FGGY: variants seen among roughly 807,000 people sequenced by gnomAD.
The protein encoded by FGGY is FGGY carbohydrate kinase domain containing.
Under a neutral mutation model 71.3 loss-of-function variants are expected in FGGY, and 72 were observed. The observed-to-expected ratio is 1.01, with a 90% CI of 0.84 to 1.23. FGGY has a LOEUF of 1.23. Ranked by LOEUF, FGGY falls within the 50% of genes most tolerant of loss-of-function variation. The pLI, the probability that FGGY is intolerant of heterozygous loss-of-function variation, is 0.00. For missense variants in FGGY, 668 were observed against 682.3 expected, an observed-to-expected ratio of 0.98 and a Z score of 0.23; for synonymous variants, 251 against 250.3, an observed-to-expected ratio of 1.00 and a Z score of -0.02.
intron 14 of FGGY, among the ~76,000 whole-genome samples, chr1:59,695,602 C>T (rs573981020): frequency 1.3e-5 from 2 of 152,298 alleles, no homozygotes; most frequent in East Asian, 3.9e-4. Flanking sequence ...GCAGTATCCT[C>T]AGTTTACAAA....
At chr1:59,462,080 G>C (rs1402658979) in intron 6 of FGGY, among the ~76,000 whole-genome samples, 1 of 148,472 alleles carries the variant, frequency 6.7e-6, no homozygotes, top group East Asian at 2.1e-4. Context: ...TGCAGTGTTT[G>C]GTTTTTTGTC....
At chr1:59,546,531 TGATG>T (rs1558303617) in intron 7 of FGGY, among the ~76,000 whole-genome samples, 206 of 110,422 alleles carry the variant, frequency 1.9e-3, no homozygotes, top group Non-Finnish European at 2.7e-3. Flanking sequence ...ATGATGATGA[TGATG>T]ATTATTATTA....
chr1:59,419,022 G>A (rs1407236470), intron 5 of FGGY, among the ~76,000 whole-genome samples: 1 of 152,164 alleles, frequency 6.6e-6, no homozygotes, highest in Non-Finnish European at 1.5e-5. Context: ...GTTTGGTATG[G>A]CTGAAAACTG....
At chr1:59,547,299 C>A (rs1395018094) in intron 7 of FGGY, among the ~76,000 whole-genome samples, 1 of 152,062 alleles carries the variant, frequency 6.6e-6, no homozygotes, top group African/African-American at 2.4e-5. Context: ...TTGAGGTTAA[C>A]CCTTTGGGTT....
chr1:59,461,088 T>C (rs2092162941), intron 6 of FGGY, among the ~76,000 whole-genome samples: 1 of 152,124 alleles, frequency 6.6e-6, no homozygotes, highest in South Asian at 2.1e-4. Context: ...TTGACAGAAG[T>C]AGGCTTCAGA....
chr1:59,607,465 G>A (rs2096634529), intron 8 of FGGY, among the ~76,000 whole-genome samples: 2 of 152,226 alleles, frequency 1.3e-5, no homozygotes, highest in Admixed American at 6.5e-5. Context: ...CTCAATGTGA[G>A]GAGCTGCAAA....
chr1:59,494,590 G>A (rs1375597467), intron 6 of FGGY, among the ~76,000 whole-genome samples: 1 of 152,096 alleles, frequency 6.6e-6, no homozygotes, highest in African/African-American at 2.4e-5. Context: ...GGTTTCAAAG[G>A]GAAATGATGA....
intron 14 of FGGY, among the ~76,000 whole-genome samples, chr1:59,753,522 A>T (rs577359076): frequency 8.0e-6 from 1 of 125,632 alleles, no homozygotes; most frequent in African/African-American, 3.0e-5. Context: ...ATGGCATTAC[A>T]TGTTTTCCCT....
Position 59,693,828 on chromosome 1 carries a change from G to A in FGGY, c.1512+19695G>A, listed in dbSNP as rs563872015. Among the ~76,000 whole-genome samples, 9 of 152,058 alleles carry A rather than the reference G, an allele frequency of 5.9e-5. No individual in the cohort carries two copies. The South Asian group carries it at 1.9e-3, about 32-fold the overall frequency. On this transcript the variant is annotated intron_variant, in intron 14 of 15. Coordinates refer to ENST00000303721, the MANE Select transcript of FGGY (RefSeq NM_018291.5). ...TTGAGACCAGCCTGGGCAACATGGTGAAAACCTGTCACTACAAAAAATACA... is the reference window on the plus strand; with the variant it reads ...TTGAGACCAGCCTGGGCAACATGGTAAAAACCTGTCACTACAAAAAATACA...
intron 7 of FGGY, among the ~76,000 whole-genome samples, chr1:59,535,303 C>T (rs1446020660): frequency 6.6e-6 from 1 of 152,032 alleles, no homozygotes; most frequent in Non-Finnish European, 1.5e-5. Flanking sequence ...ATATGTGCAC[C>T]CAATACAGGA....
At chr1:59,671,994 T>C (rs1431596947) in intron 13 of FGGY, among the ~76,000 whole-genome samples, 1 of 152,098 alleles carries the variant, frequency 6.6e-6, no homozygotes, top group Non-Finnish European at 1.5e-5. Context: ...CAGGGAGCTT[T>C]TGGCAGGGTA....
At chr1:59,573,442 A>G (rs972590139) in intron 8 of FGGY, among the ~76,000 whole-genome samples, 4 of 151,746 alleles carry the variant, frequency 2.6e-5, no homozygotes, top group African/African-American at 9.7e-5. Context: ...ATATACACAT[A>G]TGTGTGTGTG....
intron 6 of FGGY, among the ~76,000 whole-genome samples, chr1:59,460,280 G>A (rs7533447): frequency 6.6e-6 from 1 of 151,908 alleles, no homozygotes; most frequent in East Asian, 1.9e-4. Context: ...CCCATGCCCA[G>A]GGAGCCTTGC....
intron 12 of FGGY, among the ~76,000 whole-genome samples, chr1:59,661,190 T>C (rs1342292251): frequency 2.0e-5 from 3 of 152,268 alleles, no homozygotes; most frequent in Admixed American, 2.0e-4. Flanking sequence ...ATTATTCTGT[T>C]TCTTCACACA....
chr1:59,587,146 C>A (rs1440564782), intron 8 of FGGY, among the ~76,000 whole-genome samples: 5 of 152,192 alleles, frequency 3.3e-5, no homozygotes. Flanking sequence ...GATTATATCC[C>A]GCACCTGGCT....
intron 13 of FGGY, among the ~76,000 whole-genome samples, chr1:59,671,394 G>A (rs1003817843): frequency 2.0e-5 from 3 of 152,226 alleles, no homozygotes; most frequent in African/African-American, 2.4e-5. Context: ...CAAGGGTGAG[G>A]GTAGGGAGCA....
At chr1:59,711,054 A>C (rs754364494) in intron 14 of FGGY, among the ~76,000 whole-genome samples, 1 of 152,202 alleles carries the variant, frequency 6.6e-6, no homozygotes, top group South Asian at 2.1e-4. Context: ...ATGCCCATCA[A>C]TGTTAGACTG....
chr1:59,553,211 C>G (rs1422357913), intron 7 of FGGY, among the ~76,000 whole-genome samples: 1 of 152,188 alleles, frequency 6.6e-6, no homozygotes, highest in Non-Finnish European at 1.5e-5. Context: ...TCTCCTGTGT[C>G]CAAGTCTCTG....
At chr1:59,391,158 C>T (rs1166146936) in intron 5 of FGGY, among the ~76,000 whole-genome samples, 4 of 152,118 alleles carry the variant, frequency 2.6e-5, no homozygotes, top group Non-Finnish European at 4.4e-5. Flanking sequence ...CCACCTCCTC[C>T]CTGGCTTGGG....
Sources: allele counts gnomAD v4.1 joint callset (sites outside exome capture counted in the v4.1 genomes callset), GRCh38; gene constraint gnomAD v4.1.1; transcripts MANE v1.5; gene names NCBI Gene and HGNC (gene_info 2026-07-23, HGNC 2026-07-21).